ANTXR2: variants seen among roughly 807,000 people sequenced by gnomAD.
ANTXR2 encodes ANTXR cell adhesion molecule 2, also known as anthrax toxin receptor 2.
Under a neutral mutation model 73.7 loss-of-function variants are expected in ANTXR2, and 44 were observed. The observed-to-expected ratio is 0.60, with a 90% CI of 0.47 to 0.77. ANTXR2 has a LOEUF of 0.77. Among genes scored for constraint, ANTXR2 ranks in the 30% least tolerant of loss-of-function variants. The pLI, the probability that ANTXR2 is intolerant of heterozygous loss-of-function variation, is 0.00. For synonymous variants in ANTXR2, 217 were observed against 205.9 expected, an observed-to-expected ratio of 1.05 and a Z score of -0.46; for missense variants, 604 against 592.5, an observed-to-expected ratio of 1.02 and a Z score of -0.20.
chr4:79,961,453 A>T (rs1176866302), intron 16 of ANTXR2, among the ~76,000 whole-genome samples: 1 of 151,756 alleles, frequency 6.6e-6, no homozygotes. Context: ...TTATTTTTTT[A>T]AGATGGGATC....
In ANTXR2 at chr4:80,072,763, C is replaced by T; in HGVS notation, c.-203G>A. On this transcript the variant is annotated 5_prime_UTR_variant, in exon 1 of 17. Coordinates refer to ENST00000403729, the MANE Select transcript of ANTXR2 (RefSeq NM_058172.6). The stretch of plus-strand genomic sequence containing the variant: ...CTGAGAGGACAAAGGGAGTCTCCGC[C>T]ACCGCCGCAGCTGCCGCCGGAACTC... The T allele has an allele frequency of 7.9e-7, 1 of 1,263,382 alleles. No individual in the cohort carries two copies. Among genetic ancestry groups the T allele is most frequent in the Non-Finnish European group, 1.0e-6 (1 of 999,154 alleles). 78.3% of individuals were successfully genotyped at this position (1,263,382 alleles called of 1,614,324 possible). A position where few individuals can be genotyped will look rare whatever the true frequency, so the allele number is the denominator to read the frequency against.
At position 80,054,265 on chromosome 4, in the gene ANTXR2, T is replaced by C; in HGVS notation, c.636+7A>G. On this transcript the variant is annotated splice_region_variant and intron_variant, in intron 7 of 16. Coordinates refer to ENST00000403729, the MANE Select transcript of ANTXR2 (RefSeq NM_058172.6). ...TGAGCCCTTCCTGCCCCCAGAGAAA[T>C]ACTCACAGAATTAATTATTCCTTTA... is the stretch of plus-strand genomic sequence containing the variant. 1 of 1,589,336 alleles carries C rather than the reference T, an allele frequency of 6.3e-7. No individual in the cohort carries two copies.
intron 10 of ANTXR2, among the ~76,000 whole-genome samples, chr4:80,027,685 C>T (rs1465899865): frequency 1.3e-5 from 2 of 152,076 alleles, no homozygotes; most frequent in African/African-American, 2.4e-5. Flanking sequence ...GATAAGACTC[C>T]GGTTCATTCT....
intron 12 of ANTXR2, among the ~76,000 whole-genome samples, chr4:79,990,402 A>AC (rs1730413222): frequency 6.6e-6 from 1 of 150,834 alleles, no homozygotes; most frequent in African/African-American, 2.4e-5. Flanking sequence ...AAAAAAAAAA[A>AC]CACCTTGTAA....
chr4:80,011,258 C>A (rs1252717882), intron 11 of ANTXR2, among the ~76,000 whole-genome samples: 1 of 151,706 alleles, frequency 6.6e-6, no homozygotes, highest in Non-Finnish European at 1.5e-5. Context: ...AGGGAAAATG[C>A]AACCTGGTCT....
intron 3 of ANTXR2, among the ~76,000 whole-genome samples, chr4:80,061,141 G>A (rs188823817): frequency 3.3e-5 from 5 of 152,186 alleles, no homozygotes; most frequent in Admixed American, 1.3e-4. Flanking sequence ...AACAATAGAG[G>A]AAACTACCAT....
intron 10 of ANTXR2, among the ~76,000 whole-genome samples, chr4:80,025,024 G>GT (rs1423769212): frequency 6.6e-6 from 1 of 152,148 alleles, no homozygotes; most frequent in Admixed American, 6.5e-5. Context: ...CTTAATCCAT[G>GT]CTTTGCTCCA....
chr4:79,979,767 T>C (rs970427562), intron 14 of ANTXR2, among the ~76,000 whole-genome samples: 5 of 152,128 alleles, frequency 3.3e-5, no homozygotes, highest in African/African-American at 1.2e-4. Flanking sequence ...CTAACACTTA[T>C]AAAATCTTTA....
At chr4:79,953,965 C>A (rs999979757) in intron 16 of ANTXR2, among the ~76,000 whole-genome samples, 1 of 151,990 alleles carries the variant, frequency 6.6e-6, no homozygotes, top group African/African-American at 2.4e-5. Context: ...CTTAATTCAA[C>A]ACCTGGGCCT....
chr4:79,959,439 T>C (rs1729063156), intron 16 of ANTXR2, among the ~76,000 whole-genome samples: 1 of 152,144 alleles, frequency 6.6e-6, no homozygotes, highest in South Asian at 2.1e-4. Context: ...ATGCACATAT[T>C]AACTTATAAT....
chr4:80,053,757 G>C (rs1057307063), intron 7 of ANTXR2, among the ~76,000 whole-genome samples: 4 of 151,668 alleles, frequency 2.6e-5, no homozygotes, highest in Admixed American at 6.6e-5. Flanking sequence ...GATCACTAGA[G>C]ACAGCACAAC....
Position 79,997,599 on chromosome 4 carries a change from T to A in ANTXR2, c.1041+10922A>T, listed in dbSNP as rs187177621. ...TAACTTCAACATCTAGCCTTCAACA[T>A]CCTGACCAAAATATGATTCAAGTTA... On this transcript the variant is annotated intron_variant, in intron 12 of 16. Coordinates refer to ENST00000403729, the MANE Select transcript of ANTXR2 (RefSeq NM_058172.6). 8.8e-4 allele frequency among the ~76,000 whole-genome samples: 134 copies of A among 152,078 alleles called. 1 individual carries two copies. Among genetic ancestry groups the A allele is most frequent in the Admixed American group, 3.7e-3 (57 of 15,226 alleles).
intron 3 of ANTXR2, among the ~76,000 whole-genome samples, chr4:80,065,009 T>C (rs534937924): frequency 2.0e-5 from 3 of 152,336 alleles, no homozygotes; most frequent in East Asian, 1.9e-4. Flanking sequence ...CGCTTTATCA[T>C]TGTCAGTTTT....
intron 16 of ANTXR2, among the ~76,000 whole-genome samples, chr4:79,927,294 C>CACACACACACACACA (rs1553926038): frequency 5.5e-4 from 82 of 150,320 alleles, no homozygotes; most frequent in African/African-American, 1.8e-3. Flanking sequence ...GGAGCTCTTA[C>CACACACACACACACA]CACACACACA....
At chr4:80,040,460 A>G (rs1474045647) in intron 7 of ANTXR2, among the ~76,000 whole-genome samples, 1 of 152,118 alleles carries the variant, frequency 6.6e-6, no homozygotes, top group Non-Finnish European at 1.5e-5. Flanking sequence ...TAAATGGCAA[A>G]TTATCTTTAA....
intron 14 of ANTXR2, among the ~76,000 whole-genome samples, chr4:79,982,621 C>T (rs1729938530): frequency 6.6e-6 from 1 of 152,126 alleles, no homozygotes; most frequent in South Asian, 2.1e-4. Context: ...GCCATGCTCT[C>T]TTATATTGTT....
chr4:79,960,637 T>C (rs1444316402), intron 16 of ANTXR2, among the ~76,000 whole-genome samples: 1 of 152,016 alleles, frequency 6.6e-6, no homozygotes, highest in African/African-American at 2.4e-5. Flanking sequence ...ATTTTCTGTT[T>C]CCTTCTCTCT....
intron 16 of ANTXR2, among the ~76,000 whole-genome samples, chr4:79,915,649 G>A (rs972443905): frequency 1.3e-5 from 2 of 151,834 alleles, no homozygotes; most frequent in African/African-American, 4.8e-5. Flanking sequence ...GCATCCACAC[G>A]CATAGACACA....
intron 12 of ANTXR2, among the ~76,000 whole-genome samples, chr4:79,994,014 T>G (rs1730609475): frequency 6.6e-6 from 1 of 151,908 alleles, no homozygotes; most frequent in Non-Finnish European, 1.5e-5. Context: ...GGCTGAGCTA[T>G]TATAAATAAA....
Sources: gnomAD v4.1 joint callset for allele counts (sites outside exome capture counted in the v4.1 genomes callset) on GRCh38, gnomAD v4.1.1 for gene constraint, MANE v1.5 for transcripts, NCBI Gene and HGNC (gene_info 2026-07-23, HGNC 2026-07-21) for gene names.